The following XKR6 variants were observed in gnomAD, a reference collection of about 807,000 sequenced individuals.
XKR6 encodes the protein XK-related protein 6.
In XKR6, 22 loss-of-function variants were observed where a neutral mutation model predicts 56.7. That is an observed-to-expected ratio of 0.39 (90% CI 0.28 to 0.55). The LOEUF (loss-of-function observed/expected upper bound fraction) is 0.55. Among genes scored for constraint, XKR6 ranks in the 20% least tolerant of loss-of-function variants. XKR6 has a pLI of 0.66. For synonymous variants in XKR6, 524 were observed against 387.8 expected, an observed-to-expected ratio of 1.35 and a Z score of -4.13; for missense variants, 852 against 889.0, an observed-to-expected ratio of 0.96 and a Z score of 0.53.
In XKR6 at chr8:10,898,307, G is replaced by C; in HGVS notation, c.1571C>G (p.Pro524Arg). The change falls in exon 3 of 3, where the codon CCC (proline) becomes CGC (arginine). Residue 524 changes from proline to arginine, a missense_variant. By Grantham distance (103) the Pro-to-Arg change is moderately radical (BLOSUM62 -2). Transcript: ENST00000416569. The surrounding 1 kb of genome is among the most constrained non-coding windows in gnomAD (Gnocchi z 6.6). ...CTCAGGCGCCATGGGCTCAACATCG[G>C]GGGGCAAAGGGATGCCCCAGAGCAG... is the stretch of plus-strand genomic sequence containing the variant. ...AELLWGIPLP[P>R]DVEPMAPEIP... The C allele has an allele frequency of 6.2e-7, 1 of 1,614,048 alleles. No individual in the cohort carries two copies. The highest frequency in any genetic ancestry group is 1.1e-5 in the South Asian group (1 of 91,066).
intron 1 of XKR6, among the ~76,000 whole-genome samples, chr8:11,073,229 G>A (rs1800179660): frequency 1.3e-5 from 2 of 152,140 alleles, no homozygotes; most frequent in Admixed American, 6.5e-5. Flanking sequence ...TTTATGAGTT[G>A]AGTATTGGGA....
intron 1 of XKR6, among the ~76,000 whole-genome samples, chr8:11,173,398 C>T (rs1802485002): frequency 6.7e-6 from 1 of 148,908 alleles, no homozygotes; most frequent in Non-Finnish European, 1.5e-5. Flanking sequence ...AATATATATA[C>T]ATATATATAT....
intron 1 of XKR6, among the ~76,000 whole-genome samples, chr8:10,996,078 A>AAATGGAGAG (rs145755912): frequency 0.03 from 4,580 of 152,310 alleles, 236 homozygotes; most frequent in African/African-American, 0.1. Flanking sequence ...ATATAGATAT[A>AAATGGAGAG]AATGGAGAGA....
intron 1 of XKR6, among the ~76,000 whole-genome samples, chr8:11,191,163 C>T (rs1803552538): frequency 6.6e-6 from 1 of 152,168 alleles, no homozygotes; most frequent in Admixed American, 6.5e-5. Flanking sequence ...TTCAACAGAC[C>T]TGATAACTCA....
At chr8:10,937,726 CAGG>C in intron 1 of XKR6, among the ~76,000 whole-genome samples, 1 of 148,848 alleles carries the variant, frequency 6.7e-6, no homozygotes, top group African/African-American at 2.5e-5. Flanking sequence ...GGTCAGGGGT[CAGG>C]GACCCACTTG....
chr8:11,069,761 T>G (rs1159278393), intron 1 of XKR6, among the ~76,000 whole-genome samples: 3 of 152,142 alleles, frequency 2.0e-5, no homozygotes, highest in Non-Finnish European at 4.4e-5. Context: ...TCCAGAGCCT[T>G]CAGTGCACTA....
chr8:10,939,397 G>A (rs565150433), intron 1 of XKR6, among the ~76,000 whole-genome samples: 136 of 152,276 alleles, frequency 8.9e-4, no homozygotes, highest in African/African-American at 3.0e-3. Flanking sequence ...TGACCTGCTC[G>A]AGGAACAAAT....
chr8:10,964,848 C>T (rs1410869259), intron 1 of XKR6, among the ~76,000 whole-genome samples: 1 of 152,206 alleles, frequency 6.6e-6, no homozygotes, highest in African/African-American at 2.4e-5. Flanking sequence ...CCTCTAAAGC[C>T]CTTTCCCCTG....
chr8:11,087,532 G>T (rs1358636002), intron 1 of XKR6, among the ~76,000 whole-genome samples: 1 of 152,206 alleles, frequency 6.6e-6, no homozygotes, highest in Admixed American at 6.5e-5. Flanking sequence ...CTTAAAGAGA[G>T]ATATAGGAAG....
At chr8:11,172,167 T>C (rs1276072688) in intron 1 of XKR6, among the ~76,000 whole-genome samples, 2 of 151,902 alleles carry the variant, frequency 1.3e-5, no homozygotes, top group African/African-American at 2.4e-5. Flanking sequence ...GCCCAGGAAT[T>C]TGAGATAGCC....
rs553573079 is a variant in XKR6, at chr8:11,057,411, A to T, written c.765-132581T>A. ...CCTGACACAAAGGAGAGGCTCAAAA[A>T]CCACCTTTCGAATGAATGAATGAAC... On this transcript the variant is annotated intron_variant, in intron 1 of 2. Coordinates refer to ENST00000416569, the MANE Select transcript of XKR6 (RefSeq NM_173683.4). Among the ~76,000 whole-genome samples, 35 of 152,294 alleles carry T rather than the reference A, an allele frequency of 2.3e-4. No homozygotes were observed. The South Asian group carries it at 6.9e-3, about 30-fold the overall frequency.
chr8:10,953,055 G>T (rs1801775158), intron 1 of XKR6, among the ~76,000 whole-genome samples: 1 of 152,128 alleles, frequency 6.6e-6, no homozygotes, highest in African/African-American at 2.4e-5. Flanking sequence ...CCATCTAGTT[G>T]TAGGAAAACA....
chr8:10,983,997 A>T (rs542890177), intron 1 of XKR6, among the ~76,000 whole-genome samples: 2 of 151,942 alleles, frequency 1.3e-5, no homozygotes, highest in East Asian at 3.9e-4. Context: ...TTGACATCAA[A>T]CTCCCCAAAA....
At chr8:11,183,214 A>C (rs1043896165) in intron 1 of XKR6, among the ~76,000 whole-genome samples, 9 of 152,120 alleles carry the variant, frequency 5.9e-5, no homozygotes, top group Admixed American at 2.0e-4. Context: ...TTTCTTTTGG[A>C]TATACAGCCC....
chr8:10,963,689 T>A (rs542818087), intron 1 of XKR6, among the ~76,000 whole-genome samples: 1 of 151,710 alleles, frequency 6.6e-6, no homozygotes, highest in African/African-American at 2.4e-5. Context: ...GGACCACAGG[T>A]AAATGCCATC....
intron 2 of XKR6, among the ~76,000 whole-genome samples, chr8:10,919,958 G>C (rs1586306128): frequency 6.6e-6 from 1 of 152,150 alleles, no homozygotes; most frequent in Non-Finnish European, 1.5e-5. Flanking sequence ...TATTTCCCTT[G>C]AGTCTGTATT....
chr8:11,163,552 T>G (rs1801923595), intron 1 of XKR6, among the ~76,000 whole-genome samples: 1 of 152,228 alleles, frequency 6.6e-6, no homozygotes, highest in Non-Finnish European at 1.5e-5. Flanking sequence ...AATGAAGTCC[T>G]ACAACAAAGT....
intron 1 of XKR6, chr8:11,138,249 A>ATCATC (rs1800507332): frequency 6.5e-6 from 1 of 153,218 alleles, no homozygotes; most frequent in Non-Finnish European, 1.5e-5. Context: ...CTCATGTTGA[A>ATCATC]ATGTTAGCAG....
At chr8:10,904,323 G>A (rs1390448484) in intron 2 of XKR6, among the ~76,000 whole-genome samples, 1 of 152,148 alleles carries the variant, frequency 6.6e-6, no homozygotes, top group Non-Finnish European at 1.5e-5. Context: ...AGAAAGGCTT[G>A]GAGAAAGGGC....
Sources: allele counts gnomAD v4.1 joint callset (sites outside exome capture counted in the v4.1 genomes callset), GRCh38; gene constraint gnomAD v4.1.1; non-coding constraint Gnocchi (gnomAD v3.1); transcripts MANE v1.5; gene names NCBI Gene and HGNC (gene_info 2026-07-23, HGNC 2026-07-21).